The following ATXN7L1 variants were observed in gnomAD, a reference collection of about 807,000 sequenced individuals.
ATXN7L1 encodes ataxin-7-like protein 1.
In ATXN7L1, 15 loss-of-function variants were observed where a neutral mutation model predicts 70.8. The observed-to-expected ratio is 0.21, with a 90% confidence interval of 0.14 to 0.33. ATXN7L1 has a LOEUF of 0.33. Ranked by LOEUF, ATXN7L1 falls within the 10% of genes least tolerant of loss-of-function variation. ATXN7L1 has a pLI of 1.00. For synonymous variants in ATXN7L1, 440 were observed against 445.1 expected (o/e 0.99, Z 0.14); for missense variants, 975 against 1,097.1 (o/e 0.89, Z 1.57).
intron 2 of ATXN7L1, among the ~76,000 whole-genome samples, chr7:105,826,636 A>G (rs2116576923): frequency 6.6e-6 from 1 of 152,310 alleles, no homozygotes; most frequent in African/African-American, 2.4e-5. Flanking sequence ...TGCAATATGG[A>G]AGAAAACACA....
intron 3 of ATXN7L1, chr7:105,761,268 C>A: frequency 6.5e-7 from 1 of 1,545,744 alleles, no homozygotes; most frequent in Non-Finnish European, 8.7e-7. Context: ...GGAAGCTTGT[C>A]CACACTTCAG....
At chr7:105,749,323 A>G (rs1034876990) in intron 3 of ATXN7L1, among the ~76,000 whole-genome samples, 1 of 151,926 alleles carries the variant, frequency 6.6e-6, no homozygotes, top group Admixed American at 6.6e-5. Context: ...GTCAAACAAG[A>G]ATGAGAAAGA....
At chr7:105,875,474 A>G (rs1818978372) in intron 2 of ATXN7L1, among the ~76,000 whole-genome samples, 1 of 152,128 alleles carries the variant, frequency 6.6e-6, no homozygotes, top group African/African-American at 2.4e-5. Flanking sequence ...ATGCTTGTGA[A>G]GGGAACTCCA....
At chr7:105,875,725 C>T in intron 2 of ATXN7L1, 87 bp downstream of exon 2, 1 of 1,261,444 alleles carries the variant, frequency 7.9e-7, no homozygotes, top group Non-Finnish European at 1.1e-6. Flanking sequence ...TCACTCTGTA[C>T]CCAGCAGAAC....
At chr7:105,842,594 A>C (rs867378155) in intron 2 of ATXN7L1, among the ~76,000 whole-genome samples, 3 of 152,056 alleles carry the variant, frequency 2.0e-5, no homozygotes, top group African/African-American at 7.2e-5. Context: ...ACTACATTCT[A>C]TTTATCCATT....
intron 8 of ATXN7L1, among the ~76,000 whole-genome samples, chr7:105,622,364 C>T (rs1411656487): frequency 2.6e-5 from 4 of 152,310 alleles, no homozygotes; most frequent in Middle Eastern, 3.4e-3. Context: ...CTGGAGGCAC[C>T]GTTTTGTCTT....
rs1792701301 is a variant in ATXN7L1, at chr7:105,605,066, T to TA, written c.*2785dup. ...GCTTTTTTTTTTTTTTTTTTTTTTTTATGGCTGACAGGTCTATGCATTGCG... is the reference window on the plus strand; with the variant it reads ...GCTTTTTTTTTTTTTTTTTTTTTTTTAATGGCTGACAGGTCTATGCATTGCG... On this transcript the variant is annotated 3_prime_UTR_variant, in exon 12 of 12. Coordinates refer to ENST00000419735, the MANE Select transcript of ATXN7L1 (RefSeq NM_020725.2). The TA allele has an allele frequency of 3.5e-5, 5 of 144,116 alleles. No homozygotes were observed. Among genetic ancestry groups the TA allele is most frequent in the African/African-American group, 1.0e-4 (4 of 39,010 alleles). The allele number at this position is 144,116 out of a possible 1,614,324, so 8.9% of individuals were successfully genotyped here.
chr7:105,786,257 A>G (rs1051121263), intron 3 of ATXN7L1, among the ~76,000 whole-genome samples: 1 of 152,138 alleles, frequency 6.6e-6, no homozygotes, highest in African/African-American at 2.4e-5. Context: ...AATTTACTGC[A>G]TTGCTCAGAG....
chr7:105,653,286 A>G (rs1190150884), intron 4 of ATXN7L1, among the ~76,000 whole-genome samples: 3 of 152,078 alleles, frequency 2.0e-5, no homozygotes, highest in Non-Finnish European at 4.4e-5. Flanking sequence ...CGTCTCTACT[A>G]AAAATACAAA....
At chr7:105,697,033 A>T (rs1293329345) in intron 3 of ATXN7L1, among the ~76,000 whole-genome samples, 2 of 152,238 alleles carry the variant, frequency 1.3e-5, no homozygotes, top group Admixed American at 1.3e-4. Flanking sequence ...TGGGTGACAG[A>T]CATCAAGTAC....
At chr7:105,867,129 A>G (rs918134824) in intron 2 of ATXN7L1, among the ~76,000 whole-genome samples, 2 of 152,194 alleles carry the variant, frequency 1.3e-5, no homozygotes, top group Non-Finnish European at 2.9e-5. Flanking sequence ...ATGGCCTCAC[A>G]GTCTTAACTG....
chr7:105,669,232 C>T (rs1298172890), intron 3 of ATXN7L1, among the ~76,000 whole-genome samples: 2 of 152,214 alleles, frequency 1.3e-5, no homozygotes, highest in African/African-American at 4.8e-5. Context: ...CAGGTACGCA[C>T]CACCATGCCT....
chr7:105,646,096 G>A (rs889927733), intron 4 of ATXN7L1, among the ~76,000 whole-genome samples: 1 of 151,800 alleles, frequency 6.6e-6, no homozygotes, highest in African/African-American at 2.4e-5. Flanking sequence ...AGGATTGCTT[G>A]AGCCTAGGAG....
At chr7:105,872,909 C>T (rs1054747941) in intron 2 of ATXN7L1, among the ~76,000 whole-genome samples, 1 of 151,272 alleles carries the variant, frequency 6.6e-6, no homozygotes, top group Admixed American at 6.6e-5. Flanking sequence ...AATCCCAGCA[C>T]TTTGGGAGGC....
intron 2 of ATXN7L1, among the ~76,000 whole-genome samples, chr7:105,845,000 T>G (rs879177107): frequency 2.0e-5 from 3 of 151,750 alleles, no homozygotes; most frequent in Non-Finnish European, 4.4e-5. Flanking sequence ...AGGTCAGAAG[T>G]TTGAGACCAG....
intron 3 of ATXN7L1, among the ~76,000 whole-genome samples, chr7:105,768,330 A>C (rs1016133153): frequency 1.9e-4 from 29 of 152,346 alleles, no homozygotes; most frequent in African/African-American, 6.5e-4. Flanking sequence ...CAAGGTTGCA[A>C]GGGACTCCCA....
chr7:105,641,782 G>A lies in ATXN7L1; in HGVS notation c.862+1056C>T, dbSNP rs377632590. 3.7e-4 allele frequency among the ~76,000 whole-genome samples: 57 copies of A among 152,388 alleles called. 1 individual carries two copies. The South Asian group carries it at 0.011, about 29-fold the overall frequency. ...TCTTTCTTGACAGTGGGTGAGCAGC[G>A]CAGGCAGAGATGTGCAAGGTACAAT... On this transcript the variant is annotated intron_variant, in intron 5 of 11. Transcript: ENST00000419735.
Position 105,624,244 on chromosome 7 carries a change from CTTATGCTA to C in ATXN7L1, c.1218_1225del (p.Asn406LysfsTer9). Reference sequence around the variant, plus strand: ...GCTATGATTTGAAGATGTGCTGCTGCTTATGCTATTTGCAGATGATGGTCTAAGGGCAA... The same window carrying C: ...GCTATGATTTGAAGATGTGCTGCTGCTTTGCAGATGATGGTCTAAGGGCAA... On this transcript the variant is annotated frameshift_variant, in exon 8 of 12. Transcript: ENST00000419735. LOFTEE classifies it high-confidence loss of function. 6.9e-7 allele frequency: 1 copy of C among 1,455,734 alleles called. No homozygotes were observed. Among genetic ancestry groups the C allele is most frequent in the Non-Finnish European group, 9.1e-7 (1 of 1,093,694 alleles). The allele number at this position is 1,455,734 out of a possible 1,614,324, so 90.2% of individuals were successfully genotyped here. A position where few individuals can be genotyped will look rare whatever the true frequency, so the allele number is the denominator to read the frequency against.
intron 2 of ATXN7L1, among the ~76,000 whole-genome samples, chr7:105,853,291 G>A (rs968280985): frequency 3.9e-5 from 6 of 152,366 alleles, no homozygotes; most frequent in African/African-American, 1.4e-4. Flanking sequence ...ACTCACGCCT[G>A]TAATCCCAGC....
Sources: gnomAD v4.1 joint callset for allele counts (sites outside exome capture counted in the v4.1 genomes callset) on GRCh38, gnomAD v4.1.1 for gene constraint, MANE v1.5 for transcripts, NCBI Gene and HGNC (gene_info 2026-07-23, HGNC 2026-07-21) for gene names.